Variants in RALGAPA2 observed in about 807,000 individuals in gnomAD.
The protein encoded by RALGAPA2 is Ral GTPase activating protein catalytic subunit alpha 2.
Under a neutral mutation model 230.4 loss-of-function variants are expected in RALGAPA2, and 139 were observed. The observed-to-expected ratio is 0.60, with a 90% CI of 0.53 to 0.69. The LOEUF is 0.69. RALGAPA2 is among the 30% of genes least tolerant of loss of function. RALGAPA2 has a pLI of 0.00. For synonymous variants in RALGAPA2, 847 were observed against 837.8 expected (o/e 1.01, Z -0.19); for missense variants, 2,163 against 2,276.0 (o/e 0.95, Z 1.01).
intron 32 of RALGAPA2, among the ~76,000 whole-genome samples, chr20:20,512,238 CAT>C (rs1228437841): frequency 1.1e-4 from 16 of 142,494 alleles, no homozygotes; most frequent in South Asian, 2.2e-4. Context: ...CACACACACA[CAT>C]ACACACACAC....
intron 20 of RALGAPA2, among the ~76,000 whole-genome samples, chr20:20,578,777 C>T (rs952480453): frequency 4.5e-4 from 69 of 152,138 alleles, no homozygotes; most frequent in South Asian, 4.1e-4. Context: ...CCAGAAAATT[C>T]AGGCCTGGCC....
Position 20,619,334 on chromosome 20 carries a change from C to T in RALGAPA2, c.1482G>A (p.Gly494=), listed in dbSNP as rs1414876868. 1.9e-6 allele frequency: 3 copies of T among 1,612,522 alleles called. No homozygotes were observed. The East Asian group carries it at 6.7e-5, about 36-fold the overall frequency. ...TTGTATTTTCCTCCTCTGTCACACA[C>T]CCTCTGCTCATTGCACTTGTGAAGG... is the stretch of plus-strand genomic sequence containing the variant. ...TYSFTSAMSR[G]CVTEEENTNV... Residue 494 remains glycine, a synonymous_variant, in exon 12 of 40, where the codon GGG becomes GGA. Coordinates refer to ENST00000202677, the MANE Select transcript of RALGAPA2 (RefSeq NM_020343.4).
intron 13 of RALGAPA2, among the ~76,000 whole-genome samples, chr20:20,612,628 G>T (rs112229472): frequency 0.018 from 2,785 of 152,192 alleles, 39 homozygotes; most frequent in Non-Finnish European, 0.025. Flanking sequence ...TCACTGCACT[G>T]CATGCTACTT....
chr20:20,406,517 T>C (rs950389353), intron 38 of RALGAPA2, among the ~76,000 whole-genome samples: 5 of 152,186 alleles, frequency 3.3e-5, no homozygotes, highest in African/African-American at 1.2e-4. Flanking sequence ...CTGTAGGACA[T>C]GTGGCAACAC....
At chr20:20,623,633 A>T (rs1377972047) in intron 10 of RALGAPA2, among the ~76,000 whole-genome samples, 1 of 152,044 alleles carries the variant, frequency 6.6e-6, no homozygotes, top group Non-Finnish European at 1.5e-5. Flanking sequence ...TCAACCTCTC[A>T]CAGCTCTCAC....
chr20:20,660,386 C>T (rs985272966), intron 3 of RALGAPA2, among the ~76,000 whole-genome samples: 3 of 152,186 alleles, frequency 2.0e-5, no homozygotes, highest in Non-Finnish European at 4.4e-5. Context: ...GTTTCCTTAG[C>T]TGACTGACCT....
At chr20:20,464,244 C>G (rs1248610423) in intron 37 of RALGAPA2, among the ~76,000 whole-genome samples, 1 of 152,192 alleles carries the variant, frequency 6.6e-6, no homozygotes, top group Non-Finnish European at 1.5e-5. Context: ...TGCGGACTTT[C>G]CAACAAGTGA....
rs140467693 is a variant in RALGAPA2, at chr20:20,673,567, C to A, written c.270+2669G>T. Among the ~76,000 whole-genome samples, 49 of 151,806 alleles carry A rather than the reference C, an allele frequency of 3.2e-4. No homozygotes were observed. The East Asian group carries it at 8.5e-3, about 26-fold the overall frequency. On this transcript the variant is annotated intron_variant, in intron 3 of 39. Coordinates refer to ENST00000202677, the MANE Select transcript of RALGAPA2 (RefSeq NM_020343.4). ...TTAGAAAAATATATAACTTACCAAACTTGAATCAAGAAAAAAAAACCAGAA... is the reference window on the plus strand; with the variant it reads ...TTAGAAAAATATATAACTTACCAAAATTGAATCAAGAAAAAAAAACCAGAA...
intron 37 of RALGAPA2, among the ~76,000 whole-genome samples, chr20:20,445,173 T>C (rs1216831306): frequency 6.6e-6 from 1 of 152,240 alleles, no homozygotes; most frequent in Non-Finnish European, 1.5e-5. Context: ...GTTTTGGTAC[T>C]ATCTGAGGTT....
intron 1 of RALGAPA2, among the ~76,000 whole-genome samples, chr20:20,710,659 T>C (rs915327014): frequency 2.0e-5 from 3 of 152,214 alleles, no homozygotes; most frequent in African/African-American, 7.2e-5. Context: ...AAATAAGACC[T>C]ACACCTTAGA....
intron 35 of RALGAPA2, among the ~76,000 whole-genome samples, chr20:20,501,756 T>C (rs1216206789): frequency 6.6e-6 from 1 of 152,216 alleles, no homozygotes; most frequent in East Asian, 1.9e-4. Context: ...CTTCTAATCA[T>C]TCCTAGCTTT....
In RALGAPA2 at chr20:20,512,836, A is replaced by G. The variant is rs748829198; in HGVS notation, c.4533T>C (p.Ser1511=). The G allele has an allele frequency of 1.4e-5, 22 of 1,613,406 alleles. No individual in the cohort carries two copies. Among genetic ancestry groups the G allele is most frequent in the African/African-American group, 4.0e-5 (3 of 74,904 alleles). Residue 1511 remains serine, a synonymous_variant, in exon 32 of 40, where the codon TCT becomes TCC. Coordinates refer to ENST00000202677, the MANE Select transcript of RALGAPA2 (RefSeq NM_020343.4). Reference sequence around the variant, plus strand: ...GAACATCATCCCCCTCCTCAACTTGAGAAGAGTCTTTCTGAGGTCCAAATG... The same window carrying G: ...GAACATCATCCCCCTCCTCAACTTGGGAAGAGTCTTTCTGAGGTCCAAATG... ...RDTFGPQKDS[S]QVEEGDDVLD... is the part of the protein sequence containing the mutation.
chr20:20,400,828 G>A (rs570458813), intron 38 of RALGAPA2, among the ~76,000 whole-genome samples: 15 of 152,310 alleles, frequency 9.8e-5, no homozygotes, highest in African/African-American at 2.2e-4. Context: ...TGGTCTATCC[G>A]TACAGCAGAA....
At chr20:20,475,040 G>A (rs765567445) in intron 36 of RALGAPA2, among the ~76,000 whole-genome samples, 5 of 152,098 alleles carry the variant, frequency 3.3e-5, no homozygotes, top group Non-Finnish European at 5.9e-5. Context: ...GAGTAGCACT[G>A]TACCTGACAC....
intron 15 of RALGAPA2, 120 bp from the exon 16 acceptor site, chr20:20,601,966 A>T: frequency 2.2e-6 from 2 of 894,798 alleles, no homozygotes; most frequent in South Asian, 5.8e-5. Flanking sequence ...TCCTTGTCAC[A>T]AATTAAGTAC....
At chr20:20,677,628 C>CTTTTTTTTTTTTTTTTTTTTTT (rs1568741580) in intron 2 of RALGAPA2, among the ~76,000 whole-genome samples, 1 of 121,840 alleles carries the variant, frequency 8.2e-6, no homozygotes, top group Non-Finnish European at 1.7e-5. Flanking sequence ...TGATTTGACC[C>CTTTTTTTTTTTTTTTTTTTTTT]ATTTTTTTTT....
chr20:20,703,177 A>C (rs2069459811), intron 1 of RALGAPA2, among the ~76,000 whole-genome samples: 1 of 152,186 alleles, frequency 6.6e-6, no homozygotes. Context: ...CATCTCAAAA[A>C]AAAAAAGAGA....
intron 9 of RALGAPA2, among the ~76,000 whole-genome samples, chr20:20,633,048 C>T (rs550952319): frequency 2.4e-4 from 35 of 146,364 alleles, no homozygotes; most frequent in Admixed American, 4.2e-4. Flanking sequence ...TTTTTCTTTC[C>T]TTCCTTTCTT....
At chr20:20,543,063 T>A (rs1048150326) in intron 24 of RALGAPA2, among the ~76,000 whole-genome samples, 1 of 151,906 alleles carries the variant, frequency 6.6e-6, no homozygotes, top group African/African-American at 2.4e-5. Context: ...TTTTTTTTTT[T>A]AGACGGAGTC....
Sources: allele counts gnomAD v4.1 joint callset (sites outside exome capture counted in the v4.1 genomes callset), GRCh38; gene constraint gnomAD v4.1.1; transcripts MANE v1.5; gene names NCBI Gene and HGNC (gene_info 2026-07-23, HGNC 2026-07-21).